Variants in HECW2 observed in about 807,000 individuals in gnomAD.
HECW2 encodes E3 ubiquitin-protein ligase HECW2.
A neutral mutation model predicts 175.2 loss-of-function variants in HECW2; 61 were observed. The ratio of observed to expected loss-of-function variants is 0.35; its 90% CI spans 0.28 to 0.43. The LOEUF is 0.43. HECW2 is among the 20% of genes least tolerant of loss of function. The probability of loss-of-function intolerance (pLI) is 1.00; values close to 1 mark genes in which losing one functional copy is unlikely to be tolerated. For synonymous variants in HECW2, 671 were observed against 731.0 expected (o/e 0.92, Z 1.32); for missense variants, 1,524 against 2,000.5 (o/e 0.76, Z 4.54).
At chr2:196,445,310 C>T (rs1395982890) in intron 1 of HECW2, among the ~76,000 whole-genome samples, 2 of 152,180 alleles carry the variant, frequency 1.3e-5, no homozygotes, top group South Asian at 2.1e-4. Flanking sequence ...TTCTTTTTTT[C>T]CCCCAAACTT....
chr2:196,457,087 G>A (rs114767883), intron 1 of HECW2, among the ~76,000 whole-genome samples: 24 of 152,330 alleles, frequency 1.6e-4, no homozygotes, highest in Admixed American at 4.6e-4. Context: ...AATCAACAGT[G>A]CCTAATGAGT....
rs148868537 is a variant in HECW2 at position 196,310,637 on chromosome 2, T to C, written c.2435-2552A>G. 1.2e-4 allele frequency among the ~76,000 whole-genome samples: 18 copies of C among 152,324 alleles called. No individual in the cohort carries two copies. The East Asian group carries it at 3.3e-3, about 28-fold the overall frequency. ...ACTCATTTCATAGCATCAAAGTTTC[T>C]TTCAGATAGACAATGCTAAAATGAG... On this transcript the variant is annotated intron_variant, in intron 10 of 28. Coordinates refer to ENST00000644978, the MANE Select transcript of HECW2 (RefSeq NM_001348768.2).
intron 2 of HECW2, among the ~76,000 whole-genome samples, chr2:196,344,509 T>C (rs2105833779): frequency 6.6e-6 from 1 of 152,090 alleles, no homozygotes; most frequent in South Asian, 2.1e-4. Flanking sequence ...TACAATTTAA[T>C]ATGACAGGCA....
intron 1 of HECW2, among the ~76,000 whole-genome samples, chr2:196,519,904 A>C (rs529539032): frequency 3.3e-4 from 50 of 152,352 alleles, no homozygotes; most frequent in Admixed American, 1.4e-3. Flanking sequence ...TCCCAGAGGA[A>C]GTGATCTTCC....
At chr2:196,213,643 G>A (rs971530668) in intron 28 of HECW2, among the ~76,000 whole-genome samples, 2 of 152,184 alleles carry the variant, frequency 1.3e-5, no homozygotes, top group Admixed American at 6.5e-5. Context: ...AACTAGGAAT[G>A]TAGAAGCAAA....
At chr2:196,226,993 A>C (rs1177230415) in intron 22 of HECW2, among the ~76,000 whole-genome samples, 1 of 152,214 alleles carries the variant, frequency 6.6e-6, no homozygotes, top group Non-Finnish European at 1.5e-5. Context: ...TAGCTCTTTG[A>C]AAGTCTGATG....
Position 196,278,133 on chromosome 2 carries a change from A to ATATATATATTATATATATATATATAT in HECW2, c.3135+394_3135+395insATATATATATATATATAATATATATA, listed in dbSNP as rs1553489735. 6.0e-5 allele frequency among the ~76,000 whole-genome samples: 4 copies of ATATATATATTATATATATATATATAT among 66,568 alleles called. 1 individual carries two copies. Among genetic ancestry groups the ATATATATATTATATATATATATATAT allele is most frequent in the Non-Finnish European group, 1.3e-4 (4 of 30,292 alleles). 43.7% of individuals were successfully genotyped at this position (66,568 alleles called of 152,430 possible). A position where few individuals can be genotyped will look rare whatever the true frequency, so the allele number is the denominator to read the frequency against. On this transcript the variant is annotated intron_variant, in intron 15 of 28. Transcript: ENST00000644978. ...CCTAGAACTTAAAGTATAATTAAAA[A>ATATATATATTATATATATATATATAT]ATATATATATATATATATAAAGAAA...
intron 1 of HECW2, among the ~76,000 whole-genome samples, chr2:196,570,001 G>A (rs1217943845): frequency 3.9e-5 from 6 of 152,200 alleles, no homozygotes; most frequent in Non-Finnish European, 7.3e-5. Flanking sequence ...AATAGCCAAC[G>A]CACTCTAGCC....
Position 196,308,063 on chromosome 2 carries a change from G to A in HECW2, c.2457C>T (p.Ser819=). ...GATCCACGTAGAAGATCCTGCCGTG[G>A]CTGTCAATGCGTGCCTCCCAGTCTA... ...LPPNWEARID[S]HGRIFYVDHV... is the part of the protein sequence containing the mutation. The change falls in exon 11 of 29, where the codon AGC becomes AGT. Residue 819 remains serine, a synonymous_variant. Transcript: ENST00000644978. 1 of 1,587,908 alleles carries A rather than the reference G, an allele frequency of 6.3e-7. No homozygotes were observed. The highest frequency in any genetic ancestry group is 1.1e-5 in the South Asian group (1 of 87,956).
chr2:196,437,868 T>G (rs1402787240), intron 1 of HECW2, among the ~76,000 whole-genome samples: 3 of 151,962 alleles, frequency 2.0e-5, no homozygotes, highest in Non-Finnish European at 2.9e-5. Context: ...AGGGAAAGAC[T>G]GAGGAGTGGG....
Position 196,229,951 on chromosome 2 carries a change from G to T in HECW2, c.3765-1697C>A, listed in dbSNP as rs563746354. On this transcript the variant is annotated intron_variant, in intron 21 of 28. Transcript: ENST00000644978. ...TAAAATAAAAAAGTCAGTCTTTGTAGTAGCTAAAATCATTTAACACATCAC... is the reference window on the plus strand; with the variant it reads ...TAAAATAAAAAAGTCAGTCTTTGTATTAGCTAAAATCATTTAACACATCAC... 2.6e-3 allele frequency among the ~76,000 whole-genome samples: 401 copies of T among 152,236 alleles called. 3 individuals are homozygous for T. The highest frequency in any genetic ancestry group is 9.0e-3 in the African/African-American group (373 of 41,534).
chr2:196,382,051 T>C (rs1575483634), intron 2 of HECW2, among the ~76,000 whole-genome samples: 1 of 152,298 alleles, frequency 6.6e-6, no homozygotes, highest in South Asian at 2.1e-4. Context: ...ACTCTTTCTA[T>C]GTTCTGACCT....
intron 1 of HECW2, among the ~76,000 whole-genome samples, chr2:196,441,387 C>CACAT (rs1696039007): frequency 6.6e-6 from 1 of 151,568 alleles, no homozygotes; most frequent in African/African-American, 2.4e-5. Flanking sequence ...CACAAACACA[C>CACAT]ACACACACAC....
rs139648938 is a variant in HECW2 at position 196,209,028 on chromosome 2, G to A, written c.4607+6837C>T. On this transcript the variant is annotated intron_variant, in intron 28 of 28. Transcript: ENST00000644978. The stretch of plus-strand genomic sequence containing the variant: ...TCCAGGTGAGGGGGGATGGTGTCAT[G>A]GACTAGGCTGGTGGAAAGAAATGAG... 6.2e-3 allele frequency among the ~76,000 whole-genome samples: 938 copies of A among 152,304 alleles called. 6 individuals are homozygous for A. The highest frequency in any genetic ancestry group is 0.021 in the African/African-American group (863 of 41,556).
At chr2:196,308,436 T>C (rs113230837) in intron 10 of HECW2, among the ~76,000 whole-genome samples, 2,174 of 152,346 alleles carry the variant, frequency 0.014, 46 homozygotes, top group African/African-American at 0.05. Context: ...AAAATGGGTA[T>C]TGATGTTTAT....
chr2:196,518,118 A>G (rs1688214985), intron 1 of HECW2, among the ~76,000 whole-genome samples: 1 of 152,222 alleles, frequency 6.6e-6, no homozygotes, highest in Admixed American at 6.5e-5. Flanking sequence ...ACACTAACAC[A>G]GCAATGGAAT....
intron 2 of HECW2, among the ~76,000 whole-genome samples, chr2:196,354,425 A>G (rs6751886): frequency 1 from 152,277 of 152,362 alleles, 76,096 homozygotes; most frequent in Non-Finnish European, 1. Flanking sequence ...GGGGCTGAGC[A>G]CACAGTCGCA....
intron 1 of HECW2, among the ~76,000 whole-genome samples, chr2:196,491,806 C>A (rs16852544): frequency 0.16 from 24,280 of 151,616 alleles, 2,054 homozygotes; most frequent in Middle Eastern, 0.24. Flanking sequence ...TAATCTCTTC[C>A]GTATTATAAT....
intron 2 of HECW2, among the ~76,000 whole-genome samples, chr2:196,378,813 C>T (rs928527014): frequency 5.3e-5 from 8 of 151,880 alleles, no homozygotes; most frequent in Non-Finnish European, 1.2e-4. Context: ...AAACATTAGA[C>T]AAAAAAATCA....
Sources: gnomAD v4.1 joint callset for allele counts (sites outside exome capture counted in the v4.1 genomes callset) on GRCh38, gnomAD v4.1.1 for gene constraint, MANE v1.5 for transcripts, NCBI Gene and HGNC (gene_info 2026-07-23, HGNC 2026-07-21) for gene names.